ZNF695: variants seen among roughly 807,000 people sequenced by gnomAD.
ZNF695 encodes zinc finger protein 695.
A neutral mutation model predicts 11.2 loss-of-function variants in ZNF695; 11 were observed. The ratio of observed to expected loss-of-function variants is 0.98; its 90% CI spans 0.62 to 1.62. The LOEUF (loss-of-function observed/expected upper bound fraction) is 1.62. Ranked by LOEUF, ZNF695 falls within the 40% of genes most tolerant of loss-of-function variation. ZNF695 has a pLI of 0.00. For synonymous variants in ZNF695, 190 were observed against 201.4 expected (o/e 0.94, Z 0.48); for missense variants, 559 against 590.5 (o/e 0.95, Z 0.55).
Position 246,985,896 on chromosome 1 carries a change from G to T in ZNF695, c.*1071C>A. 3.0e-6 allele frequency: 3 copies of T among 985,318 alleles called. No individual in the cohort carries two copies. Among genetic ancestry groups the T allele is most frequent in the Non-Finnish European group, 3.6e-6 (3 of 829,900 alleles). 61.0% of individuals were successfully genotyped at this position (985,318 alleles called of 1,614,324 possible). ...AAAAGGATATGAACAACACCCACCC[G>T]AATATAGAAGAAACTCTCACAGCTT... On this transcript the variant is annotated 3_prime_UTR_variant, in exon 4 of 4. Coordinates refer to ENST00000339986, the MANE Select transcript of ZNF695 (RefSeq NM_020394.5).
At position 246,988,208 on chromosome 1, in the gene ZNF695, G is replaced by T. The variant is rs775167542; in HGVS notation, c.307C>A (p.Gln103Lys). 5 of 1,599,542 alleles carry T rather than the reference G, an allele frequency of 3.1e-6. No homozygotes were observed. The highest frequency in any genetic ancestry group is 4.3e-6 in the Non-Finnish European group (5 of 1,174,768). The change falls in exon 4 of 4, where the codon CAA becomes AAA. Residue 103 changes from glutamine (Q) to lysine (K), a missense_variant. Coordinates refer to ENST00000339986, the MANE Select transcript of ZNF695 (RefSeq NM_020394.5). ...AGCATCACTTTTTGGAATGAAACTT[G>T]CAGGCCCTGCTCTGGCAAAATGTCT... ...TEDILPEQGL[Q>K]VSFQKVMLRR... is the part of the protein sequence containing the mutation.
chr1:246,996,960 C>G (rs1669230324), intron 3 of ZNF695, among the ~76,000 whole-genome samples: 1 of 152,116 alleles, frequency 6.6e-6, no homozygotes, highest in Non-Finnish European at 1.5e-5. Context: ...TAAAGGCAAA[C>G]AAACTTACAG....
Position 247,007,489 on chromosome 1 carries a change from C to A in ZNF695, c.3+417G>T, listed in dbSNP as rs111918227. Among the ~76,000 whole-genome samples, 267 of 86,480 alleles carry A rather than the reference C, an allele frequency of 3.1e-3. 1 individual carries two copies. Among genetic ancestry groups the A allele is most frequent in the African/African-American group, 0.013 (252 of 19,574 alleles). 56.7% of individuals were successfully genotyped at this position (86,480 alleles called of 152,430 possible). On this transcript the variant is annotated intron_variant, in intron 1 of 3. Transcript: ENST00000339986. The stretch of plus-strand genomic sequence containing the variant: ...CCAGCCTGGCGACAGGGCGAGACTC[C>A]GTCTCAAAAAAAAAAAAAAAAAAAA...
At chr1:246,985,202 C>T, downstream of ZNF695, 1 of 709,892 alleles carries the variant, frequency 1.4e-6, no homozygotes, top group Non-Finnish European at 1.7e-6. Context: ...ATGTATTTAT[C>T]TCCATGTAAA....
At chr1:247,002,396 CA>C (rs1009880964) in intron 1 of ZNF695, among the ~76,000 whole-genome samples, 3 of 152,178 alleles carry the variant, frequency 2.0e-5, no homozygotes, top group Non-Finnish European at 4.4e-5. Context: ...ATGCCCAGTT[CA>C]AAAAGTTAGA....
At chr1:246,953,436 G>A (rs972424735) in intron 5 of ZNF695, among the ~76,000 whole-genome samples, 3 of 151,702 alleles carry the variant, frequency 2.0e-5, no homozygotes, top group Admixed American at 2.0e-4. Flanking sequence ...GTGATACCCC[G>A]CATCTAGTAA....
chr1:247,000,797 C>T (rs1373906051), intron 1 of ZNF695, among the ~76,000 whole-genome samples: 1 of 152,148 alleles, frequency 6.6e-6, no homozygotes, highest in East Asian at 1.9e-4. Context: ...CAGGCACGGG[C>T]CGGGTGCAGT....
At chr1:246,994,916 A>G (rs919331264) in intron 3 of ZNF695, among the ~76,000 whole-genome samples, 1 of 152,214 alleles carries the variant, frequency 6.6e-6, no homozygotes, top group African/African-American at 2.4e-5. Flanking sequence ...AATAAATAAT[A>G]AAAGGTTTTG....
chr1:247,007,897 C>T lies in ZNF695; in HGVS notation c.3+9G>A. 6.5e-7 allele frequency: 1 copy of T among 1,544,790 alleles called. No homozygotes were observed. Among genetic ancestry groups the T allele is most frequent in the Non-Finnish European group, 8.8e-7 (1 of 1,140,302 alleles). On this transcript the variant is annotated intron_variant, in intron 1 of 3. Coordinates refer to ENST00000339986, the MANE Select transcript of ZNF695 (RefSeq NM_020394.5). ...TCCCTTCTCGGGACACCCTGCTCCG[C>T]ACACTCACCATTTCCCAGCTTTTGG...
At chr1:246,995,967 A>G in intron 3 of ZNF695, 1 of 443,884 alleles carries the variant, frequency 2.3e-6, no homozygotes. Context: ...GCATGCCCAT[A>G]TTTATTGCAA....
At chr1:246,996,782 T>C (rs946046657) in intron 3 of ZNF695, among the ~76,000 whole-genome samples, 4 of 152,304 alleles carry the variant, frequency 2.6e-5, no homozygotes, top group Non-Finnish European at 4.4e-5. Flanking sequence ...CACAAAAAGA[T>C]AGAGACTGTA....
intron 2 of ZNF695, 37 bp downstream of exon 2, chr1:246,999,875 G>A (rs1444458149): frequency 6.2e-7 from 1 of 1,603,938 alleles, no homozygotes; most frequent in Non-Finnish European, 8.5e-7. Context: ...GAAACTCCCA[G>A]AAAACATTCT....
At chr1:246,984,152 CAAAAAAAAAA>C (rs11321674), downstream of ZNF695, among the ~76,000 whole-genome samples, 2 of 91,646 alleles carry the variant, frequency 2.2e-5, no homozygotes, top group Admixed American at 1.6e-4. Context: ...ACCATGTCTC[CAAAAAAAAAA>C]AAAAAAAAGA....
intron 1 of ZNF695, among the ~76,000 whole-genome samples, chr1:247,002,644 G>T (rs35203115): frequency 0.039 from 5,995 of 152,240 alleles, 153 homozygotes; most frequent in South Asian, 0.12. Context: ...AAATTAGCTG[G>T]GTGTGGTGGT....
chr1:246,956,777 C>A (rs1394634947), intron 5 of ZNF695, among the ~76,000 whole-genome samples: 4 of 152,196 alleles, frequency 2.6e-5, no homozygotes, highest in South Asian at 4.2e-4. Context: ...GAACTCCTGA[C>A]CTCAAGTGAT....
chr1:246,947,137 CAAA>C (rs756767246), intron 5 of ZNF695, among the ~76,000 whole-genome samples: 2,739 of 90,282 alleles, frequency 0.03, 63 homozygotes, highest in East Asian at 0.09. Flanking sequence ...GAGACTCCGT[CAAA>C]AAAAAAAAAA....
At chr1:246,954,556 C>T (rs1020621792) in intron 5 of ZNF695, among the ~76,000 whole-genome samples, 2 of 152,156 alleles carry the variant, frequency 1.3e-5, no homozygotes, top group African/African-American at 4.8e-5. Context: ...CAGGATAACA[C>T]AAGATTCTGA....
intron 4 of ZNF695, among the ~76,000 whole-genome samples, chr1:246,971,343 G>T (rs1239567787): frequency 6.6e-6 from 1 of 152,254 alleles, no homozygotes; most frequent in African/African-American, 2.4e-5. Flanking sequence ...CGGGCCAGGA[G>T]TGTGACCGCT....
At chr1:247,004,211 A>G (rs1431673002) in intron 1 of ZNF695, among the ~76,000 whole-genome samples, 1 of 152,230 alleles carries the variant, frequency 6.6e-6, no homozygotes, top group Non-Finnish European at 1.5e-5. Flanking sequence ...ACTCCATCTC[A>G]AAAAGAACAA....
Sources: allele counts gnomAD v4.1 joint callset (sites outside exome capture counted in the v4.1 genomes callset), GRCh38; gene constraint gnomAD v4.1.1; transcripts MANE v1.5; gene names NCBI Gene and HGNC (gene_info 2026-07-23, HGNC 2026-07-21).